Variants in DLG2 observed in about 807,000 individuals in gnomAD.
DLG2 encodes the protein discs large MAGUK scaffold protein 2, also known as disks large homolog 2.
In DLG2, 45 loss-of-function variants were observed where a neutral mutation model predicts 132.5. The observed-to-expected ratio is 0.34, with a 90% CI of 0.27 to 0.44. The LOEUF is 0.44. DLG2 is among the 20% of genes least tolerant of loss of function. The pLI, the probability that DLG2 is intolerant of heterozygous loss-of-function variation, is 1.00. For missense variants in DLG2, 1,045 were observed against 1,196.9 expected (o/e 0.87, Z 1.87); for synonymous variants, 424 against 419.6 (o/e 1.01, Z -0.13).
intron 3 of DLG2, among the ~76,000 whole-genome samples, chr11:85,578,676 AT>A (rs1339640108): frequency 1.3e-5 from 2 of 152,210 alleles, no homozygotes; most frequent in East Asian, 1.9e-4. Flanking sequence ...CAAAACTACA[AT>A]GAGATACCAC....
intron 7 of DLG2, among the ~76,000 whole-genome samples, chr11:84,425,933 A>G (rs2098965000): frequency 6.6e-6 from 1 of 152,120 alleles, no homozygotes; most frequent in Non-Finnish European, 1.5e-5. Flanking sequence ...TGTTTTCCAA[A>G]TGCCATCCTG....
chr11:84,654,688 G>C (rs1456487079), intron 6 of DLG2, among the ~76,000 whole-genome samples: 1 of 152,116 alleles, frequency 6.6e-6, no homozygotes, highest in Admixed American at 6.6e-5. Flanking sequence ...TCGGGGCCTG[G>C]ATCTTACTTA....
intron 3 of DLG2, among the ~76,000 whole-genome samples, chr11:85,481,803 C>T (rs947648717): frequency 6.6e-6 from 1 of 151,938 alleles, no homozygotes; most frequent in Non-Finnish European, 1.5e-5. Context: ...CCTATGGACC[C>T]AGCCCCCAGG....
chr11:83,873,210 C>T lies in DLG2; in HGVS notation c.1565+1210G>A, dbSNP rs116973669. Among the ~76,000 whole-genome samples the T allele has an allele frequency of 9.0e-3, 1,364 of 152,246 alleles. 11 individuals carry two copies. The highest frequency in any genetic ancestry group is 0.015 in the Non-Finnish European group (1,022 of 68,016). On this transcript the variant is annotated intron_variant, in intron 16 of 27. Coordinates refer to ENST00000376104, the MANE Select transcript of DLG2 (RefSeq NM_001142699.3). Reference sequence around the variant, plus strand: ...TATACAAGTACACTTGGGAAAATTACTTAAACTCTCTGAGAATCAGTGTTC... The same window carrying T: ...TATACAAGTACACTTGGGAAAATTATTTAAACTCTCTGAGAATCAGTGTTC...
intron 19 of DLG2, among the ~76,000 whole-genome samples, chr11:83,558,125 C>T (rs1227298316): frequency 6.6e-6 from 1 of 152,106 alleles, no homozygotes; most frequent in African/African-American, 2.4e-5. Context: ...ATAATTTCTC[C>T]AAACTGGCTC....
At chr11:83,905,877 T>A (rs1205843821) in intron 15 of DLG2, among the ~76,000 whole-genome samples, 1 of 152,132 alleles carries the variant, frequency 6.6e-6, no homozygotes, top group Non-Finnish European at 1.5e-5. Context: ...TAAATTTTAA[T>A]ATGCAAATTT....
At chr11:84,722,112 A>G (rs1301448953) in intron 6 of DLG2, among the ~76,000 whole-genome samples, 1 of 152,238 alleles carries the variant, frequency 6.6e-6, no homozygotes, top group East Asian at 1.9e-4. Flanking sequence ...ATCATGAGAG[A>G]CATAACACAC....
At chr11:83,496,120 A>G (rs1371760132) in intron 21 of DLG2, among the ~76,000 whole-genome samples, 6 of 151,678 alleles carry the variant, frequency 4.0e-5, no homozygotes, top group African/African-American at 9.6e-5. Flanking sequence ...AAGTCCTACA[A>G]TTGAAAAATA....
chr11:85,510,543 C>T (rs1258843996), intron 3 of DLG2, among the ~76,000 whole-genome samples: 1 of 151,918 alleles, frequency 6.6e-6, no homozygotes, highest in Non-Finnish European at 1.5e-5. Flanking sequence ...ACAAACAACC[C>T]CATCAAAAAG....
At chr11:84,777,228 T>C (rs1326976539) in intron 6 of DLG2, among the ~76,000 whole-genome samples, 2 of 66,414 alleles carry the variant, frequency 3.0e-5, no homozygotes, top group East Asian at 4.4e-4. Flanking sequence ...TGTAATTTCA[T>C]TCTTTTTGCT....
At chr11:84,805,194 C>A (rs1360251746) in intron 6 of DLG2, among the ~76,000 whole-genome samples, 2 of 152,114 alleles carry the variant, frequency 1.3e-5, no homozygotes, top group Non-Finnish European at 2.9e-5. Flanking sequence ...CGGGAACTCC[C>A]ACTTCCACTC....
At chr11:83,846,368 G>T (rs568015646) in intron 16 of DLG2, among the ~76,000 whole-genome samples, 1 of 152,204 alleles carries the variant, frequency 6.6e-6, no homozygotes, top group East Asian at 1.9e-4. Flanking sequence ...ATAATGTGAA[G>T]ACATTGAATG....
chr11:84,061,110 G>T (rs1017850246), intron 10 of DLG2, among the ~76,000 whole-genome samples: 2 of 152,112 alleles, frequency 1.3e-5, no homozygotes, highest in Admixed American at 6.6e-5. Flanking sequence ...GCAAATATTT[G>T]TTGAATGTGT....
At chr11:84,326,498 T>C (rs2098433685) in intron 7 of DLG2, among the ~76,000 whole-genome samples, 1 of 152,146 alleles carries the variant, frequency 6.6e-6, no homozygotes, top group Non-Finnish European at 1.5e-5. Context: ...TGGTTAAGAG[T>C]GAGTTGTTTA....
chr11:84,213,834 A>G (rs1191450042), intron 8 of DLG2, among the ~76,000 whole-genome samples: 1 of 149,420 alleles, frequency 6.7e-6, no homozygotes, highest in Non-Finnish European at 1.5e-5. Flanking sequence ...AAAAAAAAAA[A>G]AAGAAAAAAA....
chr11:83,814,310 A>G (rs1217880447), intron 17 of DLG2, among the ~76,000 whole-genome samples: 1 of 152,190 alleles, frequency 6.6e-6, no homozygotes, highest in Non-Finnish European at 1.5e-5. Flanking sequence ...TAAAAGCGAT[A>G]GAGGCTAAAT....
At chr11:85,022,561 C>A (rs559529709) in intron 6 of DLG2, among the ~76,000 whole-genome samples, 1 of 152,036 alleles carries the variant, frequency 6.6e-6, no homozygotes, top group Admixed American at 6.6e-5. Flanking sequence ...GCAAGCTATA[C>A]TGTGTACTAG....
chr11:85,432,472 A>C (rs899574204), intron 3 of DLG2, among the ~76,000 whole-genome samples: 1 of 152,176 alleles, frequency 6.6e-6, no homozygotes, highest in African/African-American at 2.4e-5. Context: ...TAGAATAACC[A>C]GTTTAGAGAG....
At chr11:85,497,836 A>G (rs1597950219) in intron 3 of DLG2, among the ~76,000 whole-genome samples, 1 of 152,254 alleles carries the variant, frequency 6.6e-6, no homozygotes, top group South Asian at 2.1e-4. Context: ...ACTAAGCTTC[A>G]TAAGTGAAGG....
Sources: allele counts gnomAD v4.1 joint callset (sites outside exome capture counted in the v4.1 genomes callset), GRCh38; gene constraint gnomAD v4.1.1; transcripts MANE v1.5; gene names NCBI Gene and HGNC (gene_info 2026-07-23, HGNC 2026-07-21).